SYN1: variants seen among roughly 807,000 people sequenced by gnomAD.
The protein encoded by SYN1 is synapsin-1.
Under a neutral mutation model 44.6 loss-of-function variants are expected in SYN1, and 8 were observed. The ratio of observed to expected loss-of-function variants is 0.18; its 90% CI spans 0.11 to 0.32. The LOEUF (loss-of-function observed/expected upper bound fraction) is 0.32. Among genes scored for constraint, SYN1 ranks in the 10% least tolerant of loss-of-function variants. The pLI is 1.00. For synonymous variants in SYN1, 275 were observed against 280.1 expected (o/e 0.98, Z 0.18); for missense variants, 451 against 639.4 (o/e 0.71, Z 3.18).
intron 5 of SYN1, among the ~76,000 whole-genome samples, chrX:47,591,980 TTTTG>T (rs1425339009): frequency 1.8e-5 from 2 of 111,972 alleles, no homozygotes; most frequent in Non-Finnish European, 3.8e-5. Context: ...ATAACTGGAC[TTTTG>T]TTTTTCTTCC....
chrX:47,588,259 A>G (rs1261459870), intron 5 of SYN1, among the ~76,000 whole-genome samples: 1 of 112,808 alleles, frequency 8.9e-6, no homozygotes, highest in South Asian at 3.6e-4. Flanking sequence ...GCACAACTGT[A>G]AGGTAAGGGC....
intron 1 of SYN1, among the ~76,000 whole-genome samples, chrX:47,614,364 C>G (rs1312731975): frequency 9.0e-6 from 1 of 111,503 alleles, no homozygotes; most frequent in Non-Finnish European, 1.9e-5. Flanking sequence ...GCTCAGGGAT[C>G]TCTGCAGGAT....
At chrX:47,617,346 C>T (rs2057934283) in intron 1 of SYN1, among the ~76,000 whole-genome samples, 1 of 110,870 alleles carries the variant, frequency 9.0e-6, no homozygotes, top group Non-Finnish European at 1.9e-5. Flanking sequence ...GTGACTTATA[C>T]AGTAAGTGCT....
In SYN1 at chrX:47,615,945, A is replaced by T. The variant is rs758125556; in HGVS notation, c.377+3407T>A. Among the ~76,000 whole-genome samples the T allele has an allele frequency of 1.7e-4, 19 of 111,468 alleles. 1 individual carries two copies. The highest frequency in any genetic ancestry group is 3.2e-4 in the Non-Finnish European group (17 of 53,092). The stretch of plus-strand genomic sequence containing the variant: ...GACAAAATTACCCACAAAATGGGGG[A>T]GATGAGTCTCAACTTAGAGTTTTCA... On this transcript the variant is annotated intron_variant, in intron 1 of 12. Coordinates refer to ENST00000295987, the MANE Select transcript of SYN1 (RefSeq NM_006950.3).
rs897051260 is a variant in SYN1 at position 47,575,278 on chromosome X, G to A, written c.1159-4C>T. 2.5e-6 allele frequency: 3 copies of A among 1,208,819 alleles called. No homozygotes were observed. The African/African-American group carries it at 5.2e-5, about 21-fold the overall frequency. On this transcript the variant is annotated splice_region_variant and splice_polypyrimidine_tract_variant and intron_variant, in intron 9 of 12. Transcript: ENST00000295987. ...GCGGCATGGAGGAACCCACCACCTG[G>A]GGGAAGGAAAGGATCCGTGAGGGGA...
chrX:47,586,859 C>A, intron 5 of SYN1: 1 of 596,381 alleles, frequency 1.7e-6, no homozygotes, highest in Non-Finnish European at 2.5e-6. Flanking sequence ...CACCCTGGGA[C>A]CAGTGGGGAT....
chrX:47,583,676 C>A, intron 5 of SYN1: 1 of 711,512 alleles, frequency 1.4e-6, no homozygotes, highest in Non-Finnish European at 1.9e-6. Context: ...GGCATCCTCA[C>A]ACTTCCTTGA....
At chrX:47,584,093 T>C (rs1343096012) in intron 5 of SYN1, among the ~76,000 whole-genome samples, 1 of 111,282 alleles carries the variant, frequency 9.0e-6, no homozygotes, top group East Asian at 2.8e-4. Flanking sequence ...GTAAGGGGGA[T>C]TCTGGCTAAA....
chrX:47,605,465 A>G, intron 3 of SYN1, 86 bp from the exon 4 acceptor site: 1 of 1,099,639 alleles, frequency 9.1e-7, no homozygotes, highest in Non-Finnish European at 1.2e-6. Context: ...TTAAATCTCC[A>G]TAGCTCCCAG....
In SYN1 at chrX:47,619,742, G is replaced by A; in HGVS notation, c.-14C>T. 8.6e-7 allele frequency: 1 copy of A among 1,164,399 alleles called. No individual in the cohort carries two copies. The highest frequency in any genetic ancestry group is 1.9e-5 in the South Asian group (1 of 52,536). Reference sequence around the variant, plus strand: ...CAGGTAGTTCATGGCTGCGACTTGGGGCAGGGGGTCCTAGGGGTGGTCTGG... The same window carrying A: ...CAGGTAGTTCATGGCTGCGACTTGGAGCAGGGGGTCCTAGGGGTGGTCTGG... On this transcript the variant is annotated 5_prime_UTR_variant, in exon 1 of 13. Transcript: ENST00000295987.
rs1160768934 is a variant in SYN1, at chrX:47,574,129, G to T, written c.1855C>A (p.Gln619Lys). The T allele has an allele frequency of 9.1e-7, 1 of 1,097,493 alleles. No homozygotes were observed. The highest frequency in any genetic ancestry group is 3.1e-5 in the Admixed American group (1 of 31,774). The allele number at this position is 1,097,493 out of a possible 1,213,427, so 90.4% of individuals were successfully genotyped here. The change falls in exon 12 of 13, where the codon CAG becomes AAG. Residue 619 changes from glutamine to lysine, a missense_variant. This residue lies in a region of SYN1 where 127 missense variants were observed against 154.8 expected (regional missense o/e 0.82). Transcript: ENST00000295987. The stretch of plus-strand genomic sequence containing the variant: ...CCCGGGCCGCTGGGCCGAGGCTGCT[G>T]CGTGGTGGGTGGCCCAGTGCGGGGC... ...PVPRTGPPTTQQPRPSGPGPA... is the reference protein window; with the variant it reads ...PVPRTGPPTTKQPRPSGPGPA...
chrX:47,607,321 T>C (rs1196571140), intron 1 of SYN1, 123 bp from the exon 2 acceptor site: 1 of 551,497 alleles, frequency 1.8e-6, no homozygotes, highest in South Asian at 3.0e-5. Context: ...CTTATAATTA[T>C]TGAAATATTT....
intron 5 of SYN1, among the ~76,000 whole-genome samples, chrX:47,599,664 G>A (rs1189560458): frequency 8.9e-6 from 1 of 112,133 alleles, no homozygotes; most frequent in Non-Finnish European, 1.9e-5. Context: ...TTCCAAAGTC[G>A]ATATACTAGA....
At chrX:47,611,767 G>A (rs1029424109) in intron 1 of SYN1, among the ~76,000 whole-genome samples, 2 of 111,460 alleles carry the variant, frequency 1.8e-5, no homozygotes, top group African/African-American at 6.5e-5. Context: ...ACAGAGGGTG[G>A]AGGATAAACT....
Position 47,572,709 on chromosome X carries a change from T to C in SYN1, c.*155A>G. 1.2e-6 allele frequency: 1 copy of C among 821,375 alleles called. No individual in the cohort carries two copies. The highest frequency in any genetic ancestry group is 1.7e-6 in the Non-Finnish European group (1 of 576,513). 67.7% of individuals were successfully genotyped at this position (821,375 alleles called of 1,213,427 possible). The stretch of plus-strand genomic sequence containing the variant: ...ATTTAGGGCCAGGAGGAGTCAGGTT[T>C]CTCAAGGTACTCGGGGATCTTGAGG... On this transcript the variant is annotated 3_prime_UTR_variant, in exon 13 of 13. Coordinates refer to ENST00000295987, the MANE Select transcript of SYN1 (RefSeq NM_006950.3).
intron 1 of SYN1, among the ~76,000 whole-genome samples, chrX:47,612,485 C>T (rs1301102911): frequency 9.0e-6 from 1 of 111,334 alleles, no homozygotes; most frequent in Non-Finnish European, 1.9e-5. Context: ...ACTAAGGGGA[C>T]TCCTTAAAAC....
Position 47,574,325 on chromosome X carries a change from A to T in SYN1, c.1659T>A (p.Ser553=), listed in dbSNP as rs2147912196. ...PPAARPPASP[S]PQRQAGPPQA... ...GTGGGGGGCCCGCCTGGCGCTGGGG[A>T]GACGGAGAGGCGGGCGGGCGGGCTG... The change falls in exon 12 of 13, where the codon TCT becomes TCA. Residue 553 remains serine (S), a synonymous_variant. Coordinates refer to ENST00000295987, the MANE Select transcript of SYN1 (RefSeq NM_006950.3). 2.8e-6 allele frequency: 3 copies of T among 1,057,968 alleles called. No homozygotes were observed. In the East Asian group the frequency reaches 1.2e-4, roughly 43 times the overall value. 87.2% of individuals were successfully genotyped at this position (1,057,968 alleles called of 1,213,427 possible).
At chrX:47,577,969 G>A (rs2057783444) in intron 5 of SYN1, among the ~76,000 whole-genome samples, 1 of 110,137 alleles carries the variant, frequency 9.1e-6, no homozygotes, top group Admixed American at 9.7e-5. Context: ...ACTATTGAGA[G>A]GCATGAGCCC....
At position 47,574,415 on chromosome X, in the gene SYN1, C is replaced by T. The variant is rs587781185; in HGVS notation, c.1569G>A (p.Ala523=). ...SAPQQPASQA[A]PPTQGQGRQS... ...GGCGGCCTTGACCCTGGGTCGGCGG[C>T]GCGGCCTGGGACGCGGGCTGCTGGG... is the stretch of plus-strand genomic sequence containing the variant. The change falls in exon 12 of 13, where the codon GCG becomes GCA. Residue 523 remains alanine (A), a synonymous_variant. Coordinates refer to ENST00000295987, the MANE Select transcript of SYN1 (RefSeq NM_006950.3). 2.4e-4 allele frequency: 244 copies of T among 1,026,253 alleles called. No individual in the cohort carries two copies. Among genetic ancestry groups the T allele is most frequent in the Non-Finnish European group, 2.7e-4 (221 of 812,815 alleles). The allele number at this position is 1,026,253 out of a possible 1,213,427, so 84.6% of individuals were successfully genotyped here.
Sources: gnomAD v4.1 joint callset for allele counts (sites outside exome capture counted in the v4.1 genomes callset) on GRCh38, gnomAD v4.1.1 for gene constraint, gnomAD v4.1.1 regional missense constraint, MANE v1.5 for transcripts, NCBI Gene and HGNC (gene_info 2026-07-23, HGNC 2026-07-21) for gene names.